GPC5: variants seen among roughly 807,000 people sequenced by gnomAD.
The protein encoded by GPC5 is glypican 5.
Under a neutral mutation model 53.9 loss-of-function variants are expected in GPC5, and 47 were observed. That is an observed-to-expected ratio of 0.87 (90% CI 0.69 to 1.11). The LOEUF (loss-of-function observed/expected upper bound fraction) is 1.11. GPC5 is among the 50% of genes most tolerant of loss of function. The pLI, the probability that GPC5 is intolerant of heterozygous loss-of-function variation, is 0.00. For synonymous variants in GPC5, 286 were observed against 263.3 expected (o/e 1.09, Z -0.84); for missense variants, 748 against 713.1 (o/e 1.05, Z -0.56).
At chr13:92,828,149 C>T (rs1877916556) in intron 7 of GPC5, among the ~76,000 whole-genome samples, 1 of 152,080 alleles carries the variant, frequency 6.6e-6, no homozygotes, top group South Asian at 2.1e-4. Context: ...CAATTAAATG[C>T]TATCTGTCCA....
chr13:92,141,827 T>C (rs2041833455), intron 6 of GPC5, among the ~76,000 whole-genome samples: 2 of 152,098 alleles, frequency 1.3e-5, no homozygotes, highest in South Asian at 4.1e-4. Context: ...AACTCAGTTG[T>C]AGGAATGAAG....
At chr13:92,188,059 T>C (rs1300815136) in intron 7 of GPC5, among the ~76,000 whole-genome samples, 2 of 152,202 alleles carry the variant, frequency 1.3e-5, no homozygotes, top group Admixed American at 6.5e-5. Flanking sequence ...GGCTTTTTTT[T>C]TCTCTCTCCT....
intron 7 of GPC5, among the ~76,000 whole-genome samples, chr13:92,787,690 AAAAGAAAG>A (rs1311043932): frequency 6.7e-6 from 1 of 149,012 alleles, no homozygotes; most frequent in Non-Finnish European, 1.5e-5. Context: ...AAAAGAAAAG[AAAAGAAAG>A]AAAGAAAGAA....
chr13:91,694,761 C>T (rs1285423872), intron 3 of GPC5, among the ~76,000 whole-genome samples: 1 of 152,172 alleles, frequency 6.6e-6, no homozygotes, highest in Non-Finnish European at 1.5e-5. Context: ...AACAAGCATT[C>T]TCATAAATTA....
chr13:92,735,960 A>C (rs1888923833), intron 7 of GPC5, among the ~76,000 whole-genome samples: 1 of 152,018 alleles, frequency 6.6e-6, no homozygotes, highest in South Asian at 2.1e-4. Flanking sequence ...TACATGCTGT[A>C]ACACTGGAGA....
At chr13:91,966,853 A>C (rs1184818949) in intron 6 of GPC5, among the ~76,000 whole-genome samples, 1 of 152,242 alleles carries the variant, frequency 6.6e-6, no homozygotes, top group East Asian at 1.9e-4. Flanking sequence ...TTTACTACTG[A>C]GAGTTTAACA....
chr13:92,189,388 C>T (rs2042207106), intron 7 of GPC5, among the ~76,000 whole-genome samples: 1 of 152,102 alleles, frequency 6.6e-6, no homozygotes, highest in Non-Finnish European at 1.5e-5. Flanking sequence ...CAGCCACCTC[C>T]AGCCGTTCTG....
chr13:92,449,721 C>T (rs999140745), intron 7 of GPC5, among the ~76,000 whole-genome samples: 5 of 151,998 alleles, frequency 3.3e-5, no homozygotes, highest in African/African-American at 1.2e-4. Context: ...ATAGTAACTA[C>T]CTAAATGATG....
At chr13:92,535,445 A>G (rs1881693439) in intron 7 of GPC5, among the ~76,000 whole-genome samples, 1 of 152,010 alleles carries the variant, frequency 6.6e-6, no homozygotes, top group African/African-American at 2.4e-5. Flanking sequence ...CTGACTGACT[A>G]AAACTAGTGG....
intron 6 of GPC5, among the ~76,000 whole-genome samples, chr13:91,924,331 A>C (rs1686167357): frequency 1.3e-5 from 2 of 152,192 alleles, no homozygotes; most frequent in Non-Finnish European, 2.9e-5. Context: ...TAGAATACTA[A>C]TTTCAATGCC....
chr13:92,856,557 T>C (rs1879005762), intron 7 of GPC5, among the ~76,000 whole-genome samples: 1 of 152,054 alleles, frequency 6.6e-6, no homozygotes, highest in Admixed American at 6.6e-5. Flanking sequence ...CTCTCTTTGC[T>C]GACAATACAA....
chr13:91,786,181 G>A (rs1408803079), intron 5 of GPC5, among the ~76,000 whole-genome samples: 2 of 152,056 alleles, frequency 1.3e-5, no homozygotes, highest in African/African-American at 2.4e-5. Flanking sequence ...ATTTTTAGTC[G>A]AAATGGGGTT....
At chr13:91,439,410 C>G (rs1350149947) in intron 1 of GPC5, among the ~76,000 whole-genome samples, 1 of 152,204 alleles carries the variant, frequency 6.6e-6, no homozygotes, top group Non-Finnish European at 1.5e-5. Context: ...ATTAACTAAA[C>G]TTTCTCCTTA....
At chr13:91,862,207 A>C (rs9560873) in intron 5 of GPC5, among the ~76,000 whole-genome samples, 33,648 of 152,102 alleles carry the variant, frequency 0.22, 4,509 homozygotes, top group African/African-American at 0.36. Context: ...TTTTGTAGTG[A>C]AGATTTGCTG....
At chr13:92,226,536 C>G (rs1316454345) in intron 7 of GPC5, among the ~76,000 whole-genome samples, 1 of 151,874 alleles carries the variant, frequency 6.6e-6, no homozygotes, top group African/African-American at 2.4e-5. Flanking sequence ...CACAGTTGAC[C>G]AAGAAGTAAA....
At chr13:91,948,415 T>G (rs2039995425) in intron 6 of GPC5, among the ~76,000 whole-genome samples, 1 of 152,106 alleles carries the variant, frequency 6.6e-6, no homozygotes, top group African/African-American at 2.4e-5. Flanking sequence ...TAATATTCAT[T>G]GAATGTGTAC....
intron 7 of GPC5, among the ~76,000 whole-genome samples, chr13:92,404,846 A>G (rs1417271830): frequency 1.3e-5 from 2 of 149,998 alleles, no homozygotes; most frequent in African/African-American, 4.9e-5. Flanking sequence ...ATCTTAAATT[A>G]TTTATTAAGG....
chr13:92,275,569 T>G (rs2042869570), intron 7 of GPC5, among the ~76,000 whole-genome samples: 1 of 151,938 alleles, frequency 6.6e-6, no homozygotes, highest in South Asian at 2.1e-4. Flanking sequence ...ACAATTACAT[T>G]CTGTTTTATT....
chr13:92,552,112 G>T (rs1385984378), intron 7 of GPC5, among the ~76,000 whole-genome samples: 1 of 151,832 alleles, frequency 6.6e-6, no homozygotes, highest in East Asian at 1.9e-4. Context: ...TGAGAATTTG[G>T]TGTAATATTT....
Sources: gnomAD v4.1 joint callset for allele counts (sites outside exome capture counted in the v4.1 genomes callset) on GRCh38, gnomAD v4.1.1 for gene constraint, MANE v1.5 for transcripts, NCBI Gene and HGNC (gene_info 2026-07-23, HGNC 2026-07-21) for gene names.